The following ERCC8 variants were observed in gnomAD, a reference collection of about 807,000 sequenced individuals.
ERCC8 encodes ERCC excision repair 8, CSA ubiquitin ligase complex subunit.
A neutral mutation model predicts 54.9 loss-of-function variants in ERCC8; 52 were observed. The observed-to-expected ratio is 0.95, with a 90% CI of 0.76 to 1.19. ERCC8 has a LOEUF of 1.19. ERCC8 is among the 50% of genes most tolerant of loss of function. ERCC8 has a pLI of 0.00. For missense variants in ERCC8, 514 were observed against 466.1 expected (o/e 1.10, Z -0.95); for synonymous variants, 146 against 157.2 (o/e 0.93, Z 0.53).
At chr5:60,939,515 T>G (rs1750194336) in intron 1 of ERCC8, among the ~76,000 whole-genome samples, 1 of 152,170 alleles carries the variant, frequency 6.6e-6, no homozygotes, top group Non-Finnish European at 1.5e-5. Context: ...AGTTGCTTTT[T>G]GAGACAGAGT....
chr5:60,924,354 T>A (rs1319009987), intron 2 of ERCC8: 1 of 153,394 alleles, frequency 6.5e-6, no homozygotes, highest in Admixed American at 6.6e-5. Flanking sequence ...CTCTGGTTGA[T>A]TCCTAAGGAA....
rs1747907288 is a variant in ERCC8 at position 60,873,448 on chromosome 5, G to A, written c.*1167C>T. ...CCAGCACTTTGAGAGGCCGAGGCGG[G>A]TGGATCATTTGAGGTCAGCAGTTCG... On this transcript the variant is annotated 3_prime_UTR_variant, in exon 12 of 12. Transcript: ENST00000676185. Among the ~76,000 whole-genome samples the A allele has an allele frequency of 6.6e-6, 1 of 152,192 alleles. No individual in the cohort carries two copies. The highest frequency in any genetic ancestry group is 1.5e-5 in the Non-Finnish European group (1 of 68,026).
At chr5:60,942,233 A>C (rs1289643910) in intron 1 of ERCC8, among the ~76,000 whole-genome samples, 1 of 152,192 alleles carries the variant, frequency 6.6e-6, no homozygotes, top group Non-Finnish European at 1.5e-5. Flanking sequence ...GTGGGACTGG[A>C]AAATGCTTTT....
intron 1 of ERCC8, among the ~76,000 whole-genome samples, chr5:60,943,581 G>T (rs1750328608): frequency 6.6e-6 from 1 of 152,162 alleles, no homozygotes; most frequent in Admixed American, 6.5e-5. Context: ...GTGCCCTTGA[G>T]ATAAACCCAC....
rs149925308 is a variant in ERCC8 at position 60,882,031 on chromosome 5, C to T, written c.1122+5409G>A. Among the ~76,000 whole-genome samples the T allele has an allele frequency of 9.8e-3, 1,492 of 152,180 alleles. 85 individuals are homozygous for T. Among genetic ancestry groups the T allele is most frequent in the Admixed American group, 0.085 (1,299 of 15,294 alleles). On this transcript the variant is annotated intron_variant, in intron 11 of 11. Transcript: ENST00000676185. Reference sequence around the variant, plus strand: ...TAGTTTTTTGTATTTTTAGTAGAGACGGGGTTTCACCGTGTTAGCCAGGAT... The same window carrying T: ...TAGTTTTTTGTATTTTTAGTAGAGATGGGGTTTCACCGTGTTAGCCAGGAT...
intron 4 of ERCC8, among the ~76,000 whole-genome samples, chr5:60,910,783 A>AT (rs780412955): frequency 2.0e-5 from 3 of 152,018 alleles, no homozygotes; most frequent in Non-Finnish European, 4.4e-5. Context: ...ATTCTTTTGA[A>AT]TTTTCTACGT....
At chr5:60,934,346 G>A in intron 1 of ERCC8, among the ~76,000 whole-genome samples, 1 of 152,134 alleles carries the variant, frequency 6.6e-6, no homozygotes, top group East Asian at 1.9e-4. Flanking sequence ...GTGATGTTGA[G>A]CATTTTGTCA....
Position 60,874,365 on chromosome 5 carries a change from T to A in ERCC8, c.*250A>T. 2.2e-6 allele frequency: 1 copy of A among 460,308 alleles called. No homozygotes were observed. Among genetic ancestry groups the A allele is most frequent in the Non-Finnish European group, 3.9e-6 (1 of 257,894 alleles). The allele number at this position is 460,308 out of a possible 1,614,324, so 28.5% of individuals were successfully genotyped here. On this transcript the variant is annotated 3_prime_UTR_variant, in exon 12 of 12. Transcript: ENST00000676185. ...ACTGAGGTACAACGACTTGTGTTAC[T>A]TGTACTGTAGCAATGAGGGCTTTCC...
intron 11 of ERCC8, among the ~76,000 whole-genome samples, chr5:60,881,396 G>T (rs78131263): frequency 6.6e-6 from 1 of 152,188 alleles, no homozygotes; most frequent in African/African-American, 2.4e-5. Flanking sequence ...CTGTCAGACA[G>T]GGACATTTAA....
chr5:60,903,802 T>C (rs1748973172), intron 5 of ERCC8, 86 bp from the exon 6 acceptor site: 5 of 1,296,570 alleles, frequency 3.9e-6, no homozygotes, highest in Non-Finnish European at 5.6e-6. Context: ...AATCATGACA[T>C]TTTCACTGTA....
intron 2 of ERCC8, chr5:60,924,649 T>C (rs1450224507): frequency 1.3e-5 from 2 of 154,552 alleles, no homozygotes; most frequent in Admixed American, 6.6e-5. Context: ...TGCCTTGGTT[T>C]CTTTTTTGGG....
chr5:60,869,199 AAGTATT>A lies in ERCC8; in HGVS notation c.*5410_*5415del, dbSNP rs1323823970. 6.6e-6 allele frequency among the ~76,000 whole-genome samples: 1 copy of A among 152,224 alleles called. No homozygotes were observed. ...TTATATCATTTTTATAGAAATAACA[AAGTATT>A]AGTATATTACTCAACAGTAATGAAA... On this transcript the variant is annotated 3_prime_UTR_variant, in exon 12 of 12. Transcript: ENST00000676185.
intron 1 of ERCC8, among the ~76,000 whole-genome samples, chr5:60,930,286 C>T (rs1749869186): frequency 1.3e-5 from 2 of 152,132 alleles, no homozygotes; most frequent in Non-Finnish European, 2.9e-5. Context: ...AAAAATTAGG[C>T]TAGGTGCGGC....
At chr5:60,883,390 T>C (rs1366978974) in intron 11 of ERCC8, among the ~76,000 whole-genome samples, 5 of 152,214 alleles carry the variant, frequency 3.3e-5, no homozygotes, top group Non-Finnish European at 5.9e-5. Flanking sequence ...ACTACTATTA[T>C]TTCAGTTTTC....
intron 11 of ERCC8, among the ~76,000 whole-genome samples, chr5:60,883,718 T>C: frequency 6.6e-6 from 1 of 152,160 alleles, no homozygotes; most frequent in South Asian, 2.1e-4. Flanking sequence ...CAAAGTAAGA[T>C]TCTTAGTGAG....
At chr5:60,895,048 G>A (rs901434299) in intron 9 of ERCC8, among the ~76,000 whole-genome samples, 6 of 151,646 alleles carry the variant, frequency 4.0e-5, no homozygotes, top group Admixed American at 2.6e-4. Flanking sequence ...GCGGGTACCT[G>A]TAATCCCAGC....
At chr5:60,883,387 T>G (rs982676444) in intron 11 of ERCC8, among the ~76,000 whole-genome samples, 4 of 152,216 alleles carry the variant, frequency 2.6e-5, no homozygotes, top group African/African-American at 7.2e-5. Flanking sequence ...GTCACTACTA[T>G]TATTTCAGTT....
At chr5:60,900,870 T>C (rs1748885325) in intron 7 of ERCC8, 2 of 152,012 alleles carry the variant, frequency 1.3e-5, no homozygotes, top group Non-Finnish European at 2.9e-5. Flanking sequence ...GCATGAAAAA[T>C]GTAAAATCCA....
intron 9 of ERCC8, chr5:60,893,589 T>C: frequency 1.5e-6 from 1 of 646,782 alleles, no homozygotes. Context: ...ATGATCAGCT[T>C]GAAAGCAGAT....
Sources: gnomAD v4.1 joint callset for allele counts (sites outside exome capture counted in the v4.1 genomes callset) on GRCh38, gnomAD v4.1.1 for gene constraint, MANE v1.5 for transcripts, NCBI Gene and HGNC (gene_info 2026-07-23, HGNC 2026-07-21) for gene names.